The following PCDH9 variants were observed in gnomAD, a reference collection of about 807,000 sequenced individuals.
PCDH9 encodes protocadherin 9, also known as protocadherin-9.
In PCDH9, 24 loss-of-function variants were observed where a neutral mutation model predicts 70.6. That is an observed-to-expected ratio of 0.34 (90% confidence interval 0.25 to 0.48). The LOEUF is 0.48. PCDH9 is among the 20% of genes least tolerant of loss of function. PCDH9 has a pLI of 0.99. For missense variants in PCDH9, 1,281 were observed against 1,503.6 expected (o/e 0.85, Z 2.45); for synonymous variants, 562 against 558.5 (o/e 1.01, Z -0.09).
chr13:66,704,396 G>T (rs2078685867), intron 3 of PCDH9, among the ~76,000 whole-genome samples: 1 of 152,060 alleles, frequency 6.6e-6, no homozygotes, highest in Non-Finnish European at 1.5e-5. Context: ...ATTTCTTAGG[G>T]CTGTTTTCTT....
chr13:66,561,940 G>T (rs950136384), intron 4 of PCDH9, among the ~76,000 whole-genome samples: 3 of 151,866 alleles, frequency 2.0e-5, no homozygotes, highest in African/African-American at 7.3e-5. Context: ...TCACTCTTTG[G>T]GTCCACACTG....
At chr13:66,924,917 C>A (rs958279805) in intron 2 of PCDH9, among the ~76,000 whole-genome samples, 8 of 151,374 alleles carry the variant, frequency 5.3e-5, no homozygotes, top group Non-Finnish European at 1.2e-4. Context: ...GAATATAAGC[C>A]CTTAATACTT....
intron 3 of PCDH9, among the ~76,000 whole-genome samples, chr13:66,649,520 G>A (rs2077820191): frequency 6.6e-6 from 1 of 151,904 alleles, no homozygotes; most frequent in South Asian, 2.1e-4. Flanking sequence ...AAAAGCTAAG[G>A]GATTTCATCA....
chr13:66,565,652 T>C (rs1024739704), intron 4 of PCDH9, among the ~76,000 whole-genome samples: 1 of 152,222 alleles, frequency 6.6e-6, no homozygotes, highest in Admixed American at 6.5e-5. Context: ...CATAAGATTT[T>C]GTGTGTGTGC....
intron 2 of PCDH9, among the ~76,000 whole-genome samples, chr13:67,051,382 A>ATTT (rs567408801): frequency 0.011 from 783 of 70,992 alleles, 67 homozygotes; most frequent in African/African-American, 0.043. Flanking sequence ...ACAATACAAG[A>ATTT]TTTTTTTTTT....
chr13:66,456,023 T>C (rs550854478), intron 4 of PCDH9, among the ~76,000 whole-genome samples: 2 of 152,282 alleles, frequency 1.3e-5, no homozygotes, highest in African/African-American at 4.8e-5. Flanking sequence ...GGTCCATTGA[T>C]CTTCCAAAGA....
chr13:66,931,100 A>G (rs1002788569), intron 2 of PCDH9, among the ~76,000 whole-genome samples: 1 of 152,242 alleles, frequency 6.6e-6, no homozygotes, highest in South Asian at 2.1e-4. Context: ...TGTTTTGTTG[A>G]CTGCAGCTCA....
chr13:66,565,145 T>TA, intron 4 of PCDH9, among the ~76,000 whole-genome samples: 1 of 152,324 alleles, frequency 6.6e-6, no homozygotes, highest in South Asian at 2.1e-4. Flanking sequence ...CTAACACTAT[T>TA]ACTAACGCTT....
intron 3 of PCDH9, among the ~76,000 whole-genome samples, chr13:66,700,968 A>C (rs1226964853): frequency 3.1e-4 from 35 of 112,286 alleles, no homozygotes; most frequent in Admixed American, 1.4e-3. Flanking sequence ...ATATATATAT[A>C]TACTTTTTCA....
At chr13:66,453,767 T>C (rs896354810) in intron 4 of PCDH9, among the ~76,000 whole-genome samples, 2 of 152,182 alleles carry the variant, frequency 1.3e-5, no homozygotes, top group African/African-American at 4.8e-5. Flanking sequence ...GATTCTACAC[T>C]GGCCAAAGCT....
intron 2 of PCDH9, chr13:67,203,420 A>T (rs1286392192): frequency 6.6e-6 from 1 of 152,096 alleles, no homozygotes; most frequent in Non-Finnish European, 1.5e-5. Flanking sequence ...TTTTCCAAAT[A>T]ATCATCTTAA....
chr13:66,760,815 G>A (rs564428016), intron 3 of PCDH9, among the ~76,000 whole-genome samples: 1 of 152,208 alleles, frequency 6.6e-6, no homozygotes. Flanking sequence ...CCCAGGGGGA[G>A]GTCTCGAAAA....
At chr13:67,007,089 G>A (rs886912383) in intron 2 of PCDH9, among the ~76,000 whole-genome samples, 2 of 149,948 alleles carry the variant, frequency 1.3e-5, no homozygotes, top group Non-Finnish European at 3.0e-5. Flanking sequence ...ACTCCAAAGA[G>A]TATCAAAACT....
chr13:67,175,024 T>C (rs2088412597), intron 2 of PCDH9, among the ~76,000 whole-genome samples: 1 of 149,138 alleles, frequency 6.7e-6, no homozygotes, highest in African/African-American at 2.5e-5. Context: ...TAGTCCCAGC[T>C]ACTTGGGAGG....
chr13:66,470,505 T>C (rs1958596860), intron 4 of PCDH9, among the ~76,000 whole-genome samples: 1 of 152,060 alleles, frequency 6.6e-6, no homozygotes, highest in African/African-American at 2.4e-5. Flanking sequence ...GAAATATTGC[T>C]GAAGAGTATT....
chr13:66,354,387 AT>A (rs11343389), intron 4 of PCDH9, among the ~76,000 whole-genome samples: 146,420 of 152,060 alleles, frequency 0.96, 70,716 homozygotes, highest in East Asian at 1. Flanking sequence ...AAGGTGATTT[AT>A]TTTTTTTGTC....
chr13:66,330,477 A>G (rs779013207), intron 4 of PCDH9, among the ~76,000 whole-genome samples: 9 of 152,164 alleles, frequency 5.9e-5, no homozygotes, highest in Non-Finnish European at 8.8e-5. Flanking sequence ...CTTTCTGCCA[A>G]CACCTACTGT....
At chr13:66,663,908 G>A (rs1242162875) in intron 3 of PCDH9, among the ~76,000 whole-genome samples, 1 of 152,150 alleles carries the variant, frequency 6.6e-6, no homozygotes, top group Non-Finnish European at 1.5e-5. Context: ...ACCCCACAGT[G>A]CTCATTCAAG....
chr13:66,390,946 G>A (rs906520995), intron 4 of PCDH9, among the ~76,000 whole-genome samples: 1 of 152,052 alleles, frequency 6.6e-6, no homozygotes, highest in Non-Finnish European at 1.5e-5. Flanking sequence ...TCCCAACCCA[G>A]CACCTTACCA....
Sources: gnomAD v4.1 joint callset for allele counts (sites outside exome capture counted in the v4.1 genomes callset) on GRCh38, gnomAD v4.1.1 for gene constraint, MANE v1.5 for transcripts, NCBI Gene and HGNC (gene_info 2026-07-23, HGNC 2026-07-21) for gene names.